The following PRELID2 variants were observed in gnomAD, a reference collection of about 807,000 sequenced individuals.
The protein encoded by PRELID2 is PRELI domain containing 2, also known as PRELI domain-containing protein 2.
PRELID2 carries 25 observed loss-of-function variants against 28.4 expected under a neutral mutation model. That is an observed-to-expected ratio of 0.88 (90% CI 0.64 to 1.23). The LOEUF is 1.23. Among genes scored for constraint, PRELID2 ranks in the 50% most tolerant of loss-of-function variants. PRELID2 has a pLI of 0.00. For synonymous variants in PRELID2, 76 were observed against 71.6 expected (o/e 1.06, Z -0.31); for missense variants, 201 against 214.4 (o/e 0.94, Z 0.39).
intron 1 of PRELID2, among the ~76,000 whole-genome samples, chr5:145,510,040 T>C (rs907548189): frequency 2.6e-5 from 4 of 152,218 alleles, no homozygotes; most frequent in African/African-American, 9.6e-5. Context: ...GTTACATAAC[T>C]TATCGGAACA....
intron 1 of PRELID2, among the ~76,000 whole-genome samples, chr5:145,750,827 A>G (rs1757105611): frequency 6.6e-6 from 1 of 152,214 alleles, no homozygotes; most frequent in Non-Finnish European, 1.5e-5. Context: ...CTGCACCAAT[A>G]TAATTACAAG....
chr5:145,631,732 G>A lies in PRELID2; in HGVS notation n.70+133199C>T, dbSNP rs374663037. On this transcript the variant is annotated intron_variant and non_coding_transcript_variant, in intron 1 of 2. Transcript: ENST00000510259. ...CTAATAAAGGCAGTAACTCTATATT[G>A]TCACCAATATTATTCTTCCAAATGT... 3.9e-5 allele frequency among the ~76,000 whole-genome samples: 6 copies of A among 152,110 alleles called. No individual in the cohort carries two copies. In the East Asian group the frequency reaches 1.2e-3, roughly 29 times the overall value.
chr5:145,739,442 T>G (rs1756588208), intron 1 of PRELID2, among the ~76,000 whole-genome samples: 1 of 151,932 alleles, frequency 6.6e-6, no homozygotes, highest in East Asian at 1.9e-4. Flanking sequence ...GAGGTGGAGG[T>G]TGCAGTGAGC....
chr5:145,679,177 CT>C (rs906327985), intron 1 of PRELID2, among the ~76,000 whole-genome samples: 1 of 152,080 alleles, frequency 6.6e-6, no homozygotes, highest in Non-Finnish European at 1.5e-5. Context: ...AACTCTCTAT[CT>C]TTGGTTCCCA....
intron 1 of PRELID2, among the ~76,000 whole-genome samples, chr5:145,729,958 C>T (rs1756290685): frequency 1.3e-5 from 2 of 152,104 alleles, no homozygotes; most frequent in African/African-American, 2.4e-5. Flanking sequence ...GGGAGCATTG[C>T]ATTAAGCACA....
At chr5:145,699,407 C>T (rs1239453215) in intron 1 of PRELID2, among the ~76,000 whole-genome samples, 1 of 152,082 alleles carries the variant, frequency 6.6e-6, no homozygotes, top group African/African-American at 2.4e-5. Flanking sequence ...CACACGCACA[C>T]ACATCCCAAT....
intron 1 of PRELID2, among the ~76,000 whole-genome samples, chr5:145,560,396 T>A (rs1379304637): frequency 6.6e-6 from 1 of 152,224 alleles, no homozygotes; most frequent in Non-Finnish European, 1.5e-5. Flanking sequence ...TGCTCAATAA[T>A]GTTTGTTGAG....
At chr5:145,348,888 A>C in the PRELID2 span, among the ~76,000 whole-genome samples, 1 of 152,126 alleles carries the variant, frequency 6.6e-6, no homozygotes, top group East Asian at 1.9e-4. Flanking sequence ...TAAAAGATAA[A>C]ATTTCTTGAG....
chr5:145,399,335 A>G, the PRELID2 span, among the ~76,000 whole-genome samples: 2 of 152,148 alleles, frequency 1.3e-5, no homozygotes, highest in African/African-American at 4.8e-5. Flanking sequence ...AAAGAGTCAT[A>G]GAAAATAAAT....
At chr5:145,448,655 G>A in the PRELID2 span, among the ~76,000 whole-genome samples, 2 of 152,150 alleles carry the variant, frequency 1.3e-5, no homozygotes, top group African/African-American at 4.8e-5. Context: ...TTAAGAGGTA[G>A]TGGAGCATGG....
chr5:145,518,147 AATAAT>A (rs1270730590), intron 1 of PRELID2, among the ~76,000 whole-genome samples: 82 of 137,018 alleles, frequency 6.0e-4, no homozygotes, highest in African/African-American at 2.7e-3. Flanking sequence ...TAATAATAAT[AATAAT>A]AATAATAATA....
At chr5:145,606,719 A>G (rs1018047183) in intron 1 of PRELID2, among the ~76,000 whole-genome samples, 1 of 152,008 alleles carries the variant, frequency 6.6e-6, no homozygotes, top group Non-Finnish European at 1.5e-5. Context: ...TATTGGCCTG[A>G]ATTTTTCTTT....
chr5:145,426,960 T>G, the PRELID2 span, among the ~76,000 whole-genome samples: 2 of 152,320 alleles, frequency 1.3e-5, no homozygotes, highest in East Asian at 3.9e-4. Flanking sequence ...ACCAATAGGC[T>G]TTTTTGTTCG....
At chr5:145,643,681 T>C (rs751344974) in intron 1 of PRELID2, among the ~76,000 whole-genome samples, 1 of 152,096 alleles carries the variant, frequency 6.6e-6, no homozygotes, top group Non-Finnish European at 1.5e-5. Context: ...TTTTGAGATA[T>C]GTTCCATCAA....
chr5:145,715,598 T>C (rs370214115), intron 1 of PRELID2, among the ~76,000 whole-genome samples: 7 of 152,238 alleles, frequency 4.6e-5, no homozygotes, highest in African/African-American at 1.4e-4. Flanking sequence ...ACCCACATGA[T>C]TGGATGCCTG....
chr5:145,657,435 C>T (rs1230485461), intron 1 of PRELID2, among the ~76,000 whole-genome samples: 1 of 152,164 alleles, frequency 6.6e-6, no homozygotes, highest in Non-Finnish European at 1.5e-5. Flanking sequence ...CCTGTAATCC[C>T]AGCACTTTGG....
chr5:145,637,789 T>C (rs1446397226), intron 1 of PRELID2, among the ~76,000 whole-genome samples: 1 of 151,310 alleles, frequency 6.6e-6, no homozygotes, highest in South Asian at 2.1e-4. Context: ...AATGTCACAG[T>C]GATACAAACA....
chr5:145,292,654 C>G, the PRELID2 span, among the ~76,000 whole-genome samples: 1 of 143,178 alleles, frequency 7.0e-6, no homozygotes, highest in South Asian at 2.1e-4. Context: ...AAGTTTCTCA[C>G]ACTTAAGAAC....
At chr5:145,572,882 A>G (rs763867779) in intron 1 of PRELID2, among the ~76,000 whole-genome samples, 3 of 152,148 alleles carry the variant, frequency 2.0e-5, no homozygotes, top group Non-Finnish European at 4.4e-5. Flanking sequence ...CAGAGTTTCA[A>G]ACTCTTGTGG....
Sources: allele counts gnomAD v4.1 joint callset (sites outside exome capture counted in the v4.1 genomes callset), GRCh38; gene constraint gnomAD v4.1.1; transcripts MANE v1.5; gene names NCBI Gene and HGNC (gene_info 2026-07-23, HGNC 2026-07-21).